Variants in PPP2R5A observed in about 807,000 individuals in gnomAD.
PPP2R5A encodes the protein protein phosphatase 2 regulatory subunit B'alpha.
A neutral mutation model predicts 64.2 loss-of-function variants in PPP2R5A; 25 were observed. The observed-to-expected ratio is 0.39, with a 90% CI of 0.28 to 0.54. The LOEUF is 0.54. Ranked by LOEUF, PPP2R5A falls within the 20% of genes least tolerant of loss-of-function variation. The pLI, the probability that PPP2R5A is intolerant of heterozygous loss-of-function variation, is 0.67. For missense variants in PPP2R5A, 425 were observed against 576.3 expected (o/e 0.74, Z 2.69); for synonymous variants, 198 against 201.2 (o/e 0.98, Z 0.13).
intron 1 of PPP2R5A, among the ~76,000 whole-genome samples, chr1:212,321,448 G>A (rs545468970): frequency 2.6e-4 from 38 of 144,966 alleles, no homozygotes; most frequent in Admixed American, 6.1e-4. Flanking sequence ...GCTGCCGGGC[G>A]GAGGGGCTCC....
intron 1 of PPP2R5A, among the ~76,000 whole-genome samples, chr1:212,328,362 G>T (rs1296747909): frequency 1.3e-5 from 2 of 152,130 alleles, no homozygotes; most frequent in Non-Finnish European, 2.9e-5. Context: ...CTGAAACTTT[G>T]TAAGTAGGTA....
chr1:212,287,136 T>C (rs7526983), intron 1 of PPP2R5A, among the ~76,000 whole-genome samples: 3,772 of 152,292 alleles, frequency 0.025, 60 homozygotes, highest in African/African-American at 0.034. Flanking sequence ...CTTGGCACTC[T>C]TTTTGGCTCA....
At chr1:212,304,491 G>A (rs1166594473) in intron 1 of PPP2R5A, among the ~76,000 whole-genome samples, 1 of 151,990 alleles carries the variant, frequency 6.6e-6, no homozygotes, top group African/African-American at 2.4e-5. Context: ...GGAGGTTGTG[G>A]TGAGCCGAGA....
chr1:212,322,149 C>A (rs1457050579), intron 1 of PPP2R5A, among the ~76,000 whole-genome samples: 1 of 149,334 alleles, frequency 6.7e-6, no homozygotes, highest in African/African-American at 2.5e-5. Context: ...TACAGTCCAG[C>A]TTTGGCTCAG....
intron 1 of PPP2R5A, among the ~76,000 whole-genome samples, chr1:212,311,009 CGATGTTTTG>C (rs1659019976): frequency 6.6e-6 from 1 of 152,106 alleles, no homozygotes; most frequent in Non-Finnish European, 1.5e-5. Flanking sequence ...TGCTGCATAA[CGATGTTTTG>C]GTCCATGACG....
At chr1:212,332,304 CCTTGT>C (rs1659518282) in intron 2 of PPP2R5A, among the ~76,000 whole-genome samples, 1 of 152,166 alleles carries the variant, frequency 6.6e-6, no homozygotes, top group African/African-American at 2.4e-5. Flanking sequence ...GCTTGCAATT[CCTTGT>C]CTTGTCCTCT....
intron 3 of PPP2R5A, 44 bp from the exon 4 acceptor site, chr1:212,342,144 T>A (rs1479691249): frequency 6.2e-7 from 1 of 1,605,192 alleles, no homozygotes; most frequent in Admixed American, 1.7e-5. Context: ...TAGGGTAATA[T>A]TCTGTAGCCA....
In PPP2R5A at chr1:212,320,707, G is replaced by A. The variant is rs1467633780; in HGVS notation, c.182-8428G>A. ...GGGCTGACCCCCCCACCTCCCTCCC[G>A]GATGGGGCGGCTGGCCGGGCAGAGG... On this transcript the variant is annotated intron_variant, in intron 1 of 12. Coordinates refer to ENST00000261461, the MANE Select transcript of PPP2R5A (RefSeq NM_006243.4). Among the ~76,000 whole-genome samples, 7 of 114,334 alleles carry A rather than the reference G, an allele frequency of 6.1e-5. No homozygotes were observed. The South Asian group carries it at 1.3e-3, about 21-fold the overall frequency. The allele number at this position is 114,334 out of a possible 152,430, so 75.0% of individuals were successfully genotyped here.
chr1:212,291,383 A>C (rs1440296583), intron 1 of PPP2R5A, among the ~76,000 whole-genome samples: 1 of 152,206 alleles, frequency 6.6e-6, no homozygotes, highest in Non-Finnish European at 1.5e-5. Flanking sequence ...CACCCGGCCT[A>C]TACCTGGAGA....
chr1:212,291,938 TTTCA>T (rs1214781454), intron 1 of PPP2R5A, among the ~76,000 whole-genome samples: 2 of 152,214 alleles, frequency 1.3e-5, no homozygotes, highest in Non-Finnish European at 2.9e-5. Flanking sequence ...TAAGTAATGA[TTTCA>T]ACCACTTTGG....
intron 1 of PPP2R5A, among the ~76,000 whole-genome samples, chr1:212,311,950 A>G (rs1203560639): frequency 6.6e-6 from 1 of 152,238 alleles, no homozygotes; most frequent in Non-Finnish European, 1.5e-5. Flanking sequence ...AATTTAGGGT[A>G]GCCTAAATAT....
intron 2 of PPP2R5A, chr1:212,331,431 A>AGT (rs1659503387): frequency 6.6e-6 from 1 of 151,696 alleles, no homozygotes; most frequent in Non-Finnish European, 1.5e-5. Context: ...GGCCTCCCAA[A>AGT]GTGCTAGGTT....
At chr1:212,348,566 G>A (rs1659823511) in intron 7 of PPP2R5A, 69 bp downstream of exon 7, 10 of 1,066,214 alleles carry the variant, frequency 9.4e-6, no homozygotes, top group South Asian at 3.0e-5. Flanking sequence ...CAGAGAAATT[G>A]AGAAATACTG....
chr1:212,317,157 T>G (rs1224909269), intron 1 of PPP2R5A, among the ~76,000 whole-genome samples: 1 of 152,222 alleles, frequency 6.6e-6, no homozygotes, highest in Non-Finnish European at 1.5e-5. Context: ...CTACCTACTT[T>G]GAGTTTTCGC....
chr1:212,310,520 A>C (rs970359223), intron 1 of PPP2R5A, among the ~76,000 whole-genome samples: 3 of 152,022 alleles, frequency 2.0e-5, no homozygotes, highest in Admixed American at 6.5e-5. Context: ...CCCCCACAAA[A>C]TCTCTGGAGT....
In PPP2R5A at chr1:212,361,499, C is replaced by T. The variant is rs1442707324; in HGVS notation, c.*729C>T. ...CAGCTTGCCTCTCAATTCATTCCTC[C>T]TCTTCCTCTCAAAGGCTGAAGGCAG... On this transcript the variant is annotated 3_prime_UTR_variant, in exon 13 of 13. Transcript: ENST00000261461. The T allele has an allele frequency of 6.5e-6, 1 of 152,692 alleles. No homozygotes were observed. The highest frequency in any genetic ancestry group is 1.9e-4 in the East Asian group (1 of 5,204). 9.5% of individuals were successfully genotyped at this position (152,692 alleles called of 1,614,324 possible). A position where few individuals can be genotyped will look rare whatever the true frequency, so the allele number is the denominator to read the frequency against.
chr1:212,329,891 G>T (rs1659473525), intron 2 of PPP2R5A, among the ~76,000 whole-genome samples: 1 of 152,100 alleles, frequency 6.6e-6, no homozygotes, highest in Non-Finnish European at 1.5e-5. Flanking sequence ...TGATCGACCT[G>T]CCGCGGCCTC....
intron 1 of PPP2R5A, among the ~76,000 whole-genome samples, chr1:212,295,034 G>C (rs1051148255): frequency 6.6e-5 from 10 of 152,238 alleles, no homozygotes; most frequent in Non-Finnish European, 2.9e-5. Flanking sequence ...CTATATCTCT[G>C]TGGTATATTC....
Position 212,285,952 on chromosome 1 carries a change from G to A in PPP2R5A, c.-159G>A, listed in dbSNP as rs567746071. On this transcript the variant is annotated 5_prime_UTR_variant, in exon 1 of 13. Coordinates refer to ENST00000261461, the MANE Select transcript of PPP2R5A (RefSeq NM_006243.4). ...TGGCCGTGAGGCGTTGGCGGGCGGC[G>A]AGGAGAAGCTCGGCGGCGTCCCGGG... 1.5e-4 allele frequency: 96 copies of A among 651,744 alleles called. No homozygotes were observed. The African/African-American group carries it at 1.6e-3, about 11-fold the overall frequency. The allele number at this position is 651,744 out of a possible 1,614,324, so 40.4% of individuals were successfully genotyped here. A position where few individuals can be genotyped will look rare whatever the true frequency, so the allele number is the denominator to read the frequency against.
Sources: gnomAD v4.1 joint callset for allele counts (sites outside exome capture counted in the v4.1 genomes callset) on GRCh38, gnomAD v4.1.1 for gene constraint, MANE v1.5 for transcripts, NCBI Gene and HGNC (gene_info 2026-07-23, HGNC 2026-07-21) for gene names.